CCDC88A: variants seen among roughly 807,000 people sequenced by gnomAD.
The protein encoded by CCDC88A is coiled-coil and HOOK domain protein 88A.
In CCDC88A, 54 loss-of-function variants were observed where a neutral mutation model predicts 234.3. The ratio of observed to expected loss-of-function variants is 0.23; its 90% CI spans 0.19 to 0.29. CCDC88A has a LOEUF of 0.29. Among genes scored for constraint, CCDC88A ranks in the 10% least tolerant of loss-of-function variants. The pLI is 1.00. For missense variants in CCDC88A, 1,832 were observed against 2,123.4 expected (o/e 0.86, Z 2.70); for synonymous variants, 753 against 737.8 (o/e 1.02, Z -0.33).
At chr2:55,331,759 G>A (rs994609279) in intron 16 of CCDC88A, 4 of 152,008 alleles carry the variant, frequency 2.6e-5, no homozygotes, top group African/African-American at 9.7e-5. Context: ...AGGCATAGAA[G>A]TTAATTTTTT....
intron 3 of CCDC88A, among the ~76,000 whole-genome samples, chr2:55,376,715 TAG>T (rs1190104539): frequency 6.6e-6 from 1 of 152,230 alleles, no homozygotes; most frequent in African/African-American, 2.4e-5. Context: ...AGAAATGATA[TAG>T]AGTTTGGATA....
Position 55,419,536 on chromosome 2 carries a change from T to TTTTTTAATGATA in CCDC88A, c.-458_-457insTATCATTAAAAA. On this transcript the variant is annotated 5_prime_UTR_variant, in exon 1 of 33. Transcript: ENST00000436346. ...TACCGAGGCGCCACCAGACTCGACC[T>TTTTTTAATGATA]CGGCGTTCCGACCTCTACACGTTCC... 8 of 120,762 alleles carry TTTTTTAATGATA rather than the reference T, an allele frequency of 6.6e-5. No individual in the cohort carries two copies. Among genetic ancestry groups the TTTTTTAATGATA allele is most frequent in the South Asian group, 2.7e-4 (1 of 3,750 alleles). 7.5% of individuals were successfully genotyped at this position (120,762 alleles called of 1,614,324 possible).
intron 2 of CCDC88A, among the ~76,000 whole-genome samples, chr2:55,409,351 G>A (rs958839055): frequency 2.6e-5 from 4 of 152,100 alleles, no homozygotes; most frequent in Admixed American, 2.6e-4. Context: ...GAGCTCTCAT[G>A]TCCAGCTCAA....
intron 15 of CCDC88A, among the ~76,000 whole-genome samples, chr2:55,333,087 C>G (rs962447176): frequency 6.6e-6 from 1 of 152,078 alleles, no homozygotes; most frequent in Non-Finnish European, 1.5e-5. Context: ...GTGAAAGAGG[C>G]CCTATGATAC....
In CCDC88A at chr2:55,384,583, A is replaced by ATATACACATATATATATATATATGTG. The variant is rs1258351574; in HGVS notation, c.273+4194_273+4195insCACATATATATATATATATGTGTATA. On this transcript the variant is annotated intron_variant, in intron 3 of 32. Coordinates refer to ENST00000436346, the MANE Select transcript of CCDC88A (RefSeq NM_001365480.1). ...TACACATATATACGTATATATGTGT[A>ATATACACATATATATATATATATGTG]TATATACACATATATACGTATATAT... Among the ~76,000 whole-genome samples the ATATACACATATATATATATATATGTG allele has an allele frequency of 1.5e-4, 7 of 46,516 alleles. 1 individual carries two copies. The highest frequency in any genetic ancestry group is 4.8e-5 in the Non-Finnish European group (1 of 20,836). The allele number at this position is 46,516 out of a possible 152,430, so 30.5% of individuals were successfully genotyped here.
At chr2:55,354,041 T>C (rs1422764756) in intron 8 of CCDC88A, among the ~76,000 whole-genome samples, 1 of 152,200 alleles carries the variant, frequency 6.6e-6, no homozygotes, top group Admixed American at 6.5e-5. Context: ...TACTGAATAC[T>C]GTAGGCAACT....
rs775926376 is a variant in CCDC88A, at chr2:55,332,661, C to T, written c.2760G>A (p.Gln920=). Residue 920 remains glutamine (Q), a synonymous_variant, in exon 16 of 33, where the codon CAG becomes CAA. Coordinates refer to ENST00000436346, the MANE Select transcript of CCDC88A (RefSeq NM_001365480.1). The surrounding 1 kb of genome is among the most constrained non-coding windows in gnomAD (Gnocchi z 4.5). ...TTAATTTTTCGAGATCATTGTTCATCTGTTGGGTCTTCAACTTTTCACTCA... is the reference window on the plus strand; with the variant it reads ...TTAATTTTTCGAGATCATTGTTCATTTGTTGGGTCTTCAACTTTTCACTCA... ...DLVSEKLKTQ[Q]MNNDLEKLTH... The T allele has an allele frequency of 6.2e-7, 1 of 1,612,390 alleles. No individual in the cohort carries two copies. The highest frequency in any genetic ancestry group is 1.3e-5 in the African/African-American group (1 of 74,818).
At position 55,332,338 on chromosome 2, in the gene CCDC88A, T is replaced by A; in HGVS notation, c.2855+228A>T. Reference sequence around the variant, plus strand: ...GGTTTCCCCATGTTGGTCAGGCTGATCTCGAACTCCCGACCTCAGGTGATC... The same window carrying A: ...GGTTTCCCCATGTTGGTCAGGCTGAACTCGAACTCCCGACCTCAGGTGATC... On this transcript the variant is annotated intron_variant, in intron 16 of 32. Coordinates refer to ENST00000436346, the MANE Select transcript of CCDC88A (RefSeq NM_001365480.1). This position sits in a 1 kb window ranked among gnomAD's most constrained non-coding sequence, Gnocchi z 4.5. 2.4e-6 allele frequency: 1 copy of A among 415,056 alleles called. No individual in the cohort carries two copies. The highest frequency in any genetic ancestry group is 3.5e-6 in the Non-Finnish European group (1 of 283,800). 25.7% of individuals were successfully genotyped at this position (415,056 alleles called of 1,614,324 possible).
intron 2 of CCDC88A, among the ~76,000 whole-genome samples, chr2:55,400,364 ATCT>A: frequency 6.6e-6 from 1 of 152,316 alleles, no homozygotes; most frequent in East Asian, 1.9e-4. Flanking sequence ...CAAGTCAACC[ATCT>A]TCTTTATAAG....
chr2:55,334,408 T>G lies in CCDC88A; in HGVS notation c.2413A>C (p.Ile805Leu). 6.3e-7 allele frequency: 1 copy of G among 1,581,108 alleles called. No individual in the cohort carries two copies. The change falls in exon 15 of 33, where the codon ATA (isoleucine) becomes CTA (leucine). Residue 805 changes from isoleucine (I) to leucine (L), a missense_variant. By Grantham distance (5) the Ile-to-Leu change is conservative (BLOSUM62 2). Around this residue, in one of 6 missense-constraint regions of CCDC88A, gnomAD observed 1,282 missense variants for 1,543.6 expected, o/e 0.83. Transcript: ENST00000436346. This position sits in a 1 kb window ranked among gnomAD's most constrained non-coding sequence, Gnocchi z 6.1. ...AGCTGTTCTAGTCTTTTGCTAGATA[T>G]TTTTAGTTCTTCTAGGTTTTTCTGC... ...TLQKNLEELK[I>L]SSKRLEQLEK...
chr2:55,296,940 T>C (rs1199362668), intron 29 of CCDC88A: 2 of 154,702 alleles, frequency 1.3e-5, no homozygotes, highest in African/African-American at 4.8e-5. Flanking sequence ...ATCCCAACAC[T>C]TTGGAAGGCC....
At position 55,290,765 on chromosome 2, in the gene CCDC88A, A is replaced by T. The variant is rs1679387776; in HGVS notation, c.*435T>A. 6.6e-6 allele frequency: 1 copy of T among 152,588 alleles called. No homozygotes were observed. Among genetic ancestry groups the T allele is most frequent in the Non-Finnish European group, 1.5e-5 (1 of 67,982 alleles). 9.5% of individuals were successfully genotyped at this position (152,588 alleles called of 1,614,324 possible). A position where few individuals can be genotyped will look rare whatever the true frequency, so the allele number is the denominator to read the frequency against. On this transcript the variant is annotated 3_prime_UTR_variant, in exon 33 of 33. Coordinates refer to ENST00000436346, the MANE Select transcript of CCDC88A (RefSeq NM_001365480.1). ...TTAATTTAGGTTTACACAACTAAAT[A>T]TAAATGGCTAGATTTTGGCTAACAC...
At position 55,288,751 on chromosome 2, in the gene CCDC88A, G is replaced by A. The variant is rs1002645029; in HGVS notation, c.*2449C>T. 6.6e-6 allele frequency: 1 copy of A among 152,238 alleles called. No individual in the cohort carries two copies. Among genetic ancestry groups the A allele is most frequent in the East Asian group, 1.9e-4 (1 of 5,200 alleles). The allele number at this position is 152,238 out of a possible 1,614,324, so 9.4% of individuals were successfully genotyped here. A position where few individuals can be genotyped will look rare whatever the true frequency, so the allele number is the denominator to read the frequency against. On this transcript the variant is annotated 3_prime_UTR_variant, in exon 33 of 33. Coordinates refer to ENST00000436346, the MANE Select transcript of CCDC88A (RefSeq NM_001365480.1). The stretch of plus-strand genomic sequence containing the variant: ...ATTCTTCAGTTTCCTTGAGGGGTTA[G>A]GTGTTGATTTAGAATACAGCCAGAT...
intron 29 of CCDC88A, among the ~76,000 whole-genome samples, chr2:55,298,343 TTTAA>T (rs5831351): frequency 0.82 from 123,618 of 151,652 alleles, 53,037 homozygotes; most frequent in East Asian, 0.97. Context: ...TAAAAACATT[TTTAA>T]TTAAATAATT....
At chr2:55,359,577 C>G (rs903154537) in intron 7 of CCDC88A, among the ~76,000 whole-genome samples, 2 of 150,712 alleles carry the variant, frequency 1.3e-5, no homozygotes, top group Non-Finnish European at 3.0e-5. Flanking sequence ...TATGCCCCCC[C>G]ATTCCTGTAG....
At position 55,349,651 on chromosome 2, in the gene CCDC88A, C is replaced by G. The variant is rs754192735; in HGVS notation, c.801-52G>C. On this transcript the variant is annotated intron_variant, in intron 8 of 32. Coordinates refer to ENST00000436346, the MANE Select transcript of CCDC88A (RefSeq NM_001365480.1). Reference sequence around the variant, plus strand: ...GTATACTATTTTTGAAAACTGTGATCATCATCTGCGTTAATATAAATGTAT... The same window carrying G: ...GTATACTATTTTTGAAAACTGTGATGATCATCTGCGTTAATATAAATGTAT... The G allele has an allele frequency of 2.5e-5, 30 of 1,217,308 alleles. No individual in the cohort carries two copies. In the African/African-American group the frequency reaches 4.5e-4, roughly 18 times the overall value. 75.4% of individuals were successfully genotyped at this position (1,217,308 alleles called of 1,614,324 possible).
chr2:55,326,906 C>A (rs757086906), intron 17 of CCDC88A, among the ~76,000 whole-genome samples: 6 of 152,102 alleles, frequency 3.9e-5, no homozygotes, highest in Non-Finnish European at 7.4e-5. Flanking sequence ...TTGAAACACA[C>A]GTATGCAACT....
chr2:55,411,389 G>A (rs1680456114), intron 2 of CCDC88A, among the ~76,000 whole-genome samples: 1 of 152,084 alleles, frequency 6.6e-6, no homozygotes, highest in Admixed American at 6.5e-5. Flanking sequence ...CATCATTTCT[G>A]TAGTTTAACT....
intron 17 of CCDC88A, among the ~76,000 whole-genome samples, chr2:55,326,278 A>G (rs930660061): frequency 2.0e-5 from 3 of 152,006 alleles, no homozygotes; most frequent in Non-Finnish European, 2.9e-5. Context: ...TCAGCCTTCC[A>G]AAGTGCTGGG....
Sources: gnomAD v4.1 joint callset for allele counts (sites outside exome capture counted in the v4.1 genomes callset) on GRCh38, gnomAD v4.1.1 for gene constraint, gnomAD v4.1.1 regional missense constraint, Gnocchi (gnomAD v3.1) non-coding constraint, MANE v1.5 for transcripts, NCBI Gene and HGNC (gene_info 2026-07-23, HGNC 2026-07-21) for gene names.